The following CCNJL variants were observed in gnomAD, a reference collection of about 807,000 sequenced individuals.
CCNJL encodes the protein cyclin-J-like protein.
In CCNJL, 33 loss-of-function variants were observed where a neutral mutation model predicts 33.4. The observed-to-expected ratio is 0.99, with a 90% CI of 0.75 to 1.32. The LOEUF (loss-of-function observed/expected upper bound fraction) is 1.32, where lower values mean the gene tolerates loss of function less well. Among genes scored for constraint, CCNJL ranks in the 40% most tolerant of loss-of-function variants. The pLI is 0.00. For missense variants in CCNJL, 512 were observed against 499.7 expected, an observed-to-expected ratio of 1.02 and a Z score of -0.23; for synonymous variants, 227 against 220.9, an observed-to-expected ratio of 1.03 and a Z score of -0.24.
chr5:160,276,133 G>T (rs760945959), intron 3 of CCNJL: 1 of 152,210 alleles, frequency 6.6e-6, no homozygotes, highest in South Asian at 2.1e-4. Flanking sequence ...TGTGGCTCAC[G>T]CCTGTAACCC....
upstream of CCNJL, among the ~76,000 whole-genome samples, chr5:160,316,319 A>G (rs1036968580): frequency 6.6e-6 from 1 of 152,182 alleles, no homozygotes; most frequent in African/African-American, 2.4e-5. Context: ...ACCATGAGTC[A>G]GTTACCATCC....
chr5:160,313,895 G>A (rs796070141), upstream of CCNJL, among the ~76,000 whole-genome samples: 10 of 152,360 alleles, frequency 6.6e-5, no homozygotes, highest in African/African-American at 2.2e-4. Flanking sequence ...GGCGGGGCGC[G>A]GTGGCTCACG....
intron 2 of CCNJL, among the ~76,000 whole-genome samples, chr5:160,303,134 G>A (rs1409386623): frequency 6.7e-6 from 1 of 150,320 alleles, no homozygotes; most frequent in African/African-American, 2.5e-5. Flanking sequence ...GGAATTGGGT[G>A]GAGAAGAATG....
At chr5:160,258,366 A>G (rs754732623) in intron 4 of CCNJL, 69 of 774,214 alleles carry the variant, frequency 8.9e-5, no homozygotes, top group Non-Finnish European at 1.5e-4. Context: ...ATGATACAAT[A>G]TATGAGAATG....
intron 1 of CCNJL, among the ~76,000 whole-genome samples, chr5:160,337,176 G>T (rs1455725204): frequency 3.8e-5 from 4 of 105,418 alleles, no homozygotes; most frequent in Admixed American, 1.8e-4. Context: ...GCAAATTTTT[G>T]ATTTTTTTTT....
chr5:160,258,402 GCTTC>G, intron 4 of CCNJL: 1 of 833,082 alleles, frequency 1.2e-6, no homozygotes, highest in Non-Finnish European at 2.1e-6. Context: ...CCATAAGAAG[GCTTC>G]CTGAGAACCT....
At chr5:160,267,744 A>AAG (rs1761665126) in intron 3 of CCNJL, among the ~76,000 whole-genome samples, 1 of 152,130 alleles carries the variant, frequency 6.6e-6, no homozygotes, top group South Asian at 2.1e-4. Flanking sequence ...TTACTTGTTG[A>AAG]AGAGATAGTG....
chr5:160,280,541 G>A lies in CCNJL; in HGVS notation c.264C>T (p.Ser88=). The change falls in exon 3 of 6, where the codon TCC becomes TCT. Residue 88 remains serine (S), a synonymous_variant. Transcript: ENST00000257536. ...TTCGCTTACTTGCAAGCAGGAGGCA[G>A]GAGACGGCCACGGTGTAGAGCTGCT... The part of the protein sequence containing the change: ...TSKQLYTVAV[S]CLLLASKFED... 1 of 1,612,880 alleles carries A rather than the reference G, an allele frequency of 6.2e-7. No individual in the cohort carries two copies. Among genetic ancestry groups the A allele is most frequent in the Non-Finnish European group, 8.5e-7 (1 of 1,180,000 alleles).
chr5:160,256,148 C>A (rs191702678), intron 4 of CCNJL, among the ~76,000 whole-genome samples: 2 of 152,172 alleles, frequency 1.3e-5, no homozygotes, highest in East Asian at 3.9e-4. Context: ...CTCAGCCTCC[C>A]AAAGTGCTGG....
chr5:160,338,086 T>C (rs1236671138), intron 1 of CCNJL, among the ~76,000 whole-genome samples: 1 of 152,194 alleles, frequency 6.6e-6, no homozygotes, highest in Admixed American at 6.5e-5. Flanking sequence ...ACATGTTTGA[T>C]TGGAAACCTA....
chr5:160,255,748 C>T lies in CCNJL; in HGVS notation c.584-40G>A, dbSNP rs779065509. The T allele has an allele frequency of 4.4e-6, 7 of 1,594,938 alleles. No homozygotes were observed. In the Admixed American group the frequency reaches 1.2e-4, roughly 27 times the overall value. On this transcript the variant is annotated intron_variant, in intron 4 of 5. Coordinates refer to ENST00000257536, the MANE Select transcript of CCNJL (RefSeq NM_001308173.3). ...CGGAGGGAGTCAGCATCCAAATCCT[C>T]CCCTTGGAATCCCAGGCCCACCCTG...
intron 2 of CCNJL, among the ~76,000 whole-genome samples, chr5:160,292,045 C>G (rs777247962): frequency 7.9e-5 from 12 of 152,072 alleles, no homozygotes; most frequent in Non-Finnish European, 1.8e-4. Flanking sequence ...CTGGGCATCA[C>G]AGTAAGACCC....
chr5:160,252,144 TGCTGAGCACAA>T lies in CCNJL; in HGVS notation c.*1223_*1233del, dbSNP rs1760831835. The T allele has an allele frequency of 6.6e-6, 1 of 152,652 alleles. No homozygotes were observed. The highest frequency in any genetic ancestry group is 2.4e-5 in the African/African-American group (1 of 41,438). 9.5% of individuals were successfully genotyped at this position (152,652 alleles called of 1,614,324 possible). A position where few individuals can be genotyped will look rare whatever the true frequency, so the allele number is the denominator to read the frequency against. On this transcript the variant is annotated 3_prime_UTR_variant, in exon 6 of 6. Transcript: ENST00000257536. ...CAACCCCAAACTAAACCAAAGAACATGCTGAGCACAAGCTGCGAGTCAGAATAAAAACATAT... is the reference window on the plus strand; with the variant it reads ...CAACCCCAAACTAAACCAAAGAACATGCTGCGAGTCAGAATAAAAACATAT...
intron 4 of CCNJL, chr5:160,258,565 A>C: frequency 6.6e-7 from 1 of 1,512,286 alleles, no homozygotes; most frequent in Non-Finnish European, 9.2e-7. Context: ...AAGAAAAGAA[A>C]GAGCAGAATG....
At chr5:160,305,411 G>C (rs1418753551) in intron 2 of CCNJL, among the ~76,000 whole-genome samples, 1 of 152,162 alleles carries the variant, frequency 6.6e-6, no homozygotes, top group African/African-American at 2.4e-5. Flanking sequence ...CACTTTGAGG[G>C]GAGAGGCACC....
intron 2 of CCNJL, among the ~76,000 whole-genome samples, 163 bp downstream of exon 2, chr5:160,311,695 C>A (rs956160320): frequency 6.6e-6 from 1 of 152,040 alleles, no homozygotes; most frequent in Non-Finnish European, 1.5e-5. Context: ...CTAACCCCCG[C>A]CCCCCAATTC....
intron 2 of CCNJL, among the ~76,000 whole-genome samples, chr5:160,290,224 T>C (rs1480165463): frequency 2.0e-5 from 3 of 152,192 alleles, no homozygotes; most frequent in Non-Finnish European, 4.4e-5. Flanking sequence ...TAATCCACTT[T>C]TCCTTCAGAT....
chr5:160,267,731 T>C (rs1334794608), intron 3 of CCNJL, among the ~76,000 whole-genome samples: 1 of 152,186 alleles, frequency 6.6e-6, no homozygotes, highest in Non-Finnish European at 1.5e-5. Context: ...TTTTAAAAAT[T>C]GTTTACTTGT....
chr5:160,269,676 G>C (rs1449728796), intron 3 of CCNJL: 1 of 352,120 alleles, frequency 2.8e-6, no homozygotes, highest in African/African-American at 2.2e-5. Context: ...CAGCACAAAT[G>C]CTGCTCTGCT....
Sources: allele counts gnomAD v4.1 joint callset (sites outside exome capture counted in the v4.1 genomes callset), GRCh38; gene constraint gnomAD v4.1.1; transcripts MANE v1.5; gene names NCBI Gene and HGNC (gene_info 2026-07-23, HGNC 2026-07-21).